LPIN2: variants seen among roughly 807,000 people sequenced by gnomAD.
LPIN2 encodes the protein lipin 2.
A neutral mutation model predicts 111.4 loss-of-function variants in LPIN2; 55 were observed. That is an observed-to-expected ratio of 0.49 (90% CI 0.40 to 0.62). The LOEUF (loss-of-function observed/expected upper bound fraction) is 0.62, where lower values mean the gene tolerates loss of function less well. LPIN2 is among the 20% of genes least tolerant of loss of function. The pLI, the probability that LPIN2 is intolerant of heterozygous loss-of-function variation, is 0.00. For synonymous variants in LPIN2, 425 were observed against 414.0 expected, an observed-to-expected ratio of 1.03 and a Z score of -0.32; for missense variants, 992 against 1,112.1, an observed-to-expected ratio of 0.89 and a Z score of 1.54.
At chr18:2,977,102 G>C (rs1240018694) in intron 1 of LPIN2, 2 of 151,526 alleles carry the variant, frequency 1.3e-5, no homozygotes, top group South Asian at 2.1e-4. Context: ...TAGCTCCTTA[G>C]AAGGCTGAGG....
At chr18:2,998,030 G>C (rs1458027744) in intron 1 of LPIN2, among the ~76,000 whole-genome samples, 7 of 152,230 alleles carry the variant, frequency 4.6e-5, no homozygotes, top group Non-Finnish European at 7.3e-5. Flanking sequence ...CTGCAGAGGA[G>C]TCTTTCCCAA....
chr18:2,920,835 A>AAT lies in LPIN2; in HGVS notation c.2487_2488dup (p.Phe830TyrfsTer4). Reference sequence around the variant, plus strand: ...TAATTCACCCTTGGGGTTCACGGTGAATATTCTACAGTCTGGAACTCCAAC... The same window carrying AAT: ...TAATTCACCCTTGGGGTTCACGGTGAATATATTCTACAGTCTGGAACTCCAAC... On this transcript the variant is annotated frameshift_variant, in exon 19 of 20. Transcript: ENST00000677752. LOFTEE classifies it high-confidence loss of function. The AAT allele has an allele frequency of 6.2e-7, 1 of 1,614,186 alleles. No homozygotes were observed. The highest frequency in any genetic ancestry group is 8.5e-7 in the Non-Finnish European group (1 of 1,180,002).
rs752533626 is a variant in LPIN2 at position 2,921,555 on chromosome 18, G to A, written c.2420C>T (p.Ala807Val). 4.3e-6 allele frequency: 7 copies of A among 1,613,836 alleles called. No homozygotes were observed. The Admixed American group carries it at 1.2e-4, about 27-fold the overall frequency. Residue 807 changes from alanine (A) to valine (V), a missense_variant, in exon 18 of 20, where the codon GCT (alanine) becomes GTT (valine). Ala to Val is a moderately conservative substitution (Grantham distance 64). Transcript: ENST00000677752. ...LFAPSKQPFY[A>V]AFGNRPNDVY... ...CACATTTGGACGGTTTCCAAAGGCA[G>A]CATAGAAGGGCTGCTTAGACGGGGC...
At chr18:2,942,763 C>T (rs2077382208) in intron 4 of LPIN2, among the ~76,000 whole-genome samples, 2 of 152,170 alleles carry the variant, frequency 1.3e-5, no homozygotes, top group African/African-American at 4.8e-5. Context: ...ATTCCAGAAA[C>T]CTTTTAGGAA....
At chr18:2,982,994 G>T in intron 1 of LPIN2, 1 of 325,360 alleles carries the variant, frequency 3.1e-6, no homozygotes, top group Admixed American at 4.1e-5. Flanking sequence ...AGATAAGCAG[G>T]GGCATGGGAC....
At chr18:2,956,829 G>C (rs2077623393) in intron 2 of LPIN2, among the ~76,000 whole-genome samples, 1 of 152,160 alleles carries the variant, frequency 6.6e-6, no homozygotes, top group South Asian at 2.1e-4. Context: ...ATCTTTGTGT[G>C]ACTTTAAATG....
At chr18:2,999,157 C>T (rs1353070904) in intron 1 of LPIN2, among the ~76,000 whole-genome samples, 1 of 152,192 alleles carries the variant, frequency 6.6e-6, no homozygotes, top group Non-Finnish European at 1.5e-5. Flanking sequence ...TGAAGTATAT[C>T]CTCCAAAAAA....
chr18:2,966,957 G>C (rs2077814446), intron 1 of LPIN2: 1 of 152,162 alleles, frequency 6.6e-6, no homozygotes, highest in South Asian at 2.1e-4. Context: ...ATAGACAACA[G>C]GACACTGTTA....
Position 2,918,326 on chromosome 18 carries a change from T to C in LPIN2, c.*1967A>G, listed in dbSNP as rs1422243605. 3 of 152,152 alleles carry C rather than the reference T, an allele frequency of 2.0e-5. No homozygotes were observed. Among genetic ancestry groups the C allele is most frequent in the Non-Finnish European group, 4.4e-5 (3 of 68,032 alleles). 9.4% of individuals were successfully genotyped at this position (152,152 alleles called of 1,614,324 possible). A position where few individuals can be genotyped will look rare whatever the true frequency, so the allele number is the denominator to read the frequency against. On this transcript the variant is annotated 3_prime_UTR_variant, in exon 20 of 20. Coordinates refer to ENST00000677752, the MANE Select transcript of LPIN2 (RefSeq NM_001375808.2). ...AGGACAACCTAAAAAGGATTAAAGA[T>C]GTATATTAAGATTTTTCAGTACCAT...
At chr18:2,943,604 AATC>A (rs2077399789) in intron 4 of LPIN2, among the ~76,000 whole-genome samples, 2 of 152,240 alleles carry the variant, frequency 1.3e-5, no homozygotes, top group Admixed American at 6.5e-5. Flanking sequence ...AAGGCATATT[AATC>A]ATTACCTTTA....
In LPIN2 at chr18:2,917,677, C is replaced by G. The variant is rs907950429; in HGVS notation, c.*2616G>C. The G allele has an allele frequency of 1.3e-5, 2 of 152,336 alleles. No individual in the cohort carries two copies. Among genetic ancestry groups the G allele is most frequent in the African/African-American group, 4.8e-5 (2 of 41,446 alleles). The allele number at this position is 152,336 out of a possible 1,614,324, so 9.4% of individuals were successfully genotyped here. ...ACACAGTACCCAAAAACGGAGGCAGCCTGCATGCTCCAGGTCTACACGAGC... is the reference window on the plus strand; with the variant it reads ...ACACAGTACCCAAAAACGGAGGCAGGCTGCATGCTCCAGGTCTACACGAGC... On this transcript the variant is annotated 3_prime_UTR_variant, in exon 20 of 20. Coordinates refer to ENST00000677752, the MANE Select transcript of LPIN2 (RefSeq NM_001375808.2).
At chr18:2,933,413 C>A (rs1348928055) in intron 8 of LPIN2, among the ~76,000 whole-genome samples, 1 of 152,176 alleles carries the variant, frequency 6.6e-6, no homozygotes, top group Non-Finnish European at 1.5e-5. Context: ...TATATTTGAA[C>A]TTTCCTACTG....
chr18:2,986,029 A>G (rs920154978), intron 1 of LPIN2, among the ~76,000 whole-genome samples: 2 of 152,246 alleles, frequency 1.3e-5, no homozygotes, highest in African/African-American at 4.8e-5. Context: ...GGAACATGTA[A>G]AGGACCATGG....
At position 2,918,434 on chromosome 18, in the gene LPIN2, G is replaced by A. The variant is rs2077000951; in HGVS notation, c.*1859C>T. On this transcript the variant is annotated 3_prime_UTR_variant, in exon 20 of 20. Coordinates refer to ENST00000677752, the MANE Select transcript of LPIN2 (RefSeq NM_001375808.2). ...CCTCTAAATAGAAGGTAGTCAAGAG[G>A]ACACACAGATGGCATCTATGAAATA... 6.6e-6 allele frequency: 1 copy of A among 152,194 alleles called. No homozygotes were observed. Among genetic ancestry groups the A allele is most frequent in the African/African-American group, 2.4e-5 (1 of 41,434 alleles). 9.4% of individuals were successfully genotyped at this position (152,194 alleles called of 1,614,324 possible).
chr18:2,959,957 T>TCGAGGAGATCA (rs2143193194), intron 2 of LPIN2, among the ~76,000 whole-genome samples: 1 of 151,932 alleles, frequency 6.6e-6, no homozygotes, highest in Non-Finnish European at 1.5e-5. Context: ...TCACTTGAGG[T>TCGAGGAGATCA]CAGGAGTTCG....
chr18:2,989,266 T>C (rs1004577421), intron 1 of LPIN2, among the ~76,000 whole-genome samples: 1 of 152,076 alleles, frequency 6.6e-6, no homozygotes, highest in African/African-American at 2.4e-5. Context: ...AGATTTACTA[T>C]GCTAAGTATT....
rs544317636 is a variant in LPIN2, at chr18:2,918,529, T to C, written c.*1764A>G. ...AACTTCATATAAACAGAACCCAGGATCCCTAACCTACTGTAGATAAATAAA... is the reference window on the plus strand; with the variant it reads ...AACTTCATATAAACAGAACCCAGGACCCCTAACCTACTGTAGATAAATAAA... On this transcript the variant is annotated 3_prime_UTR_variant, in exon 20 of 20. Coordinates refer to ENST00000677752, the MANE Select transcript of LPIN2 (RefSeq NM_001375808.2). 1.3e-5 allele frequency: 2 copies of C among 152,182 alleles called. No homozygotes were observed. The highest frequency in any genetic ancestry group is 1.5e-5 in the Non-Finnish European group (1 of 68,036). 9.4% of individuals were successfully genotyped at this position (152,182 alleles called of 1,614,324 possible).
At position 2,960,826 on chromosome 18, in the gene LPIN2, T is replaced by C. The variant is rs2077701012; in HGVS notation, c.15A>G (p.Gly5=). The change falls in exon 2 of 20, where the codon GGA becomes GGG. Residue 5 remains glycine (G), a synonymous_variant. Coordinates refer to ENST00000677752, the MANE Select transcript of LPIN2 (RefSeq NM_001375808.2). The part of the protein sequence containing the change: MNYV[G]QLAGQVIVTV... ...TGACAATCACCTGCCCAGCCAGCTG[T>C]CCCACATAATTCATGGTTTGAGACT... 1 of 1,614,024 alleles carries C rather than the reference T, an allele frequency of 6.2e-7. No homozygotes were observed. Among genetic ancestry groups the C allele is most frequent in the Non-Finnish European group, 8.5e-7 (1 of 1,179,982 alleles).
rs907370383 is a variant in LPIN2 at position 2,926,577 on chromosome 18, T to G, written c.1793+146A>C. On this transcript the variant is annotated intron_variant, in intron 13 of 19. Coordinates refer to ENST00000677752, the MANE Select transcript of LPIN2 (RefSeq NM_001375808.2). ...GTTTTTTAGAAAAGCAGTTGTCATC[T>G]GCTGAGTGGCACAAATATATCACAG... 7.1e-6 allele frequency: 5 copies of G among 701,988 alleles called. No individual in the cohort carries two copies. The African/African-American group carries it at 8.9e-5, about 12-fold the overall frequency. The allele number at this position is 701,988 out of a possible 1,614,324, so 43.5% of individuals were successfully genotyped here. A position where few individuals can be genotyped will look rare whatever the true frequency, so the allele number is the denominator to read the frequency against.
Sources: allele counts gnomAD v4.1 joint callset (sites outside exome capture counted in the v4.1 genomes callset), GRCh38; gene constraint gnomAD v4.1.1; transcripts MANE v1.5; gene names NCBI Gene and HGNC (gene_info 2026-07-23, HGNC 2026-07-21).